PLEKHG1: variants seen among roughly 807,000 people sequenced by gnomAD.
PLEKHG1 encodes pleckstrin homology domain-containing family G member 1.
Under a neutral mutation model 100.8 loss-of-function variants are expected in PLEKHG1, and 44 were observed. The observed-to-expected ratio is 0.44, with a 90% CI of 0.34 to 0.56. PLEKHG1 has a LOEUF of 0.56. Ranked by LOEUF, PLEKHG1 falls within the 20% of genes least tolerant of loss-of-function variation. The probability of loss-of-function intolerance (pLI) is 0.01; values close to 1 mark genes in which losing one functional copy is unlikely to be tolerated. For missense variants in PLEKHG1, 1,545 were observed against 1,720.9 expected (o/e 0.90, Z 1.81); for synonymous variants, 640 against 662.5 (o/e 0.97, Z 0.52).
chr6:150,632,840 T>G (rs1351971558), intron 1 of PLEKHG1: 3 of 152,214 alleles, frequency 2.0e-5, no homozygotes, highest in Non-Finnish European at 4.4e-5. Context: ...GCTGGTTTAA[T>G]TTGCCAAAAA....
At chr6:150,684,821 G>A (rs1780063789) in intron 3 of PLEKHG1, among the ~76,000 whole-genome samples, 1 of 152,044 alleles carries the variant, frequency 6.6e-6, no homozygotes. Flanking sequence ...TGACTTCATG[G>A]GCTTGCTGTT....
intron 3 of PLEKHG1, among the ~76,000 whole-genome samples, chr6:150,778,951 G>A (rs1307090748): frequency 1.3e-5 from 2 of 152,212 alleles, no homozygotes; most frequent in Non-Finnish European, 2.9e-5. Context: ...ACAGTGTGGA[G>A]TCTGGCCCTC....
chr6:150,819,917 G>T, intron 12 of PLEKHG1, 143 bp downstream of exon 13: 1 of 626,018 alleles, frequency 1.6e-6, no homozygotes, highest in Non-Finnish European at 2.9e-6. Flanking sequence ...CTTAAGATGG[G>T]ACTCATGAGC....
chr6:150,614,235 G>A (rs1776967359), intron 1 of PLEKHG1, among the ~76,000 whole-genome samples: 1 of 152,122 alleles, frequency 6.6e-6, no homozygotes, highest in Non-Finnish European at 1.5e-5. Flanking sequence ...CTTGGCCTAG[G>A]CTATCTTTGA....
exon 15 of PLEKHG1, chr6:150,832,032 G>A: frequency 1.9e-6 from 3 of 1,614,126 alleles, no homozygotes; most frequent in Non-Finnish European, 2.5e-6. Flanking sequence ...AAGACAAAAA[G>A]CAGGGTGTTT....
intron 10 of PLEKHG1, among the ~76,000 whole-genome samples, chr6:150,810,546 G>GAAAGAAAGAAAGAAAGAAA (rs1787459618): frequency 8.8e-6 from 1 of 113,634 alleles, no homozygotes; most frequent in Non-Finnish European, 1.9e-5. Context: ...AAGGAAGAAA[G>GAAAGAAAGAAAGAAAGAAA]GAAGGAAAGA....
chr6:150,640,859 G>A (rs886694471), intron 2 of PLEKHG1, among the ~76,000 whole-genome samples: 15 of 152,124 alleles, frequency 9.9e-5, no homozygotes, highest in African/African-American at 3.4e-4. Flanking sequence ...GTCTCCTGTG[G>A]TCTAATATTG....
chr6:150,707,936 C>G (rs117432534), intron 3 of PLEKHG1, among the ~76,000 whole-genome samples: 1 of 152,160 alleles, frequency 6.6e-6, no homozygotes, highest in Non-Finnish European at 1.5e-5. Flanking sequence ...TGACCCGTCA[C>G]TGCCCTTCCA....
At chr6:150,739,061 A>G (rs1782714001) in intron 2 of PLEKHG1, among the ~76,000 whole-genome samples, 1 of 152,148 alleles carries the variant, frequency 6.6e-6, no homozygotes, top group Non-Finnish European at 1.5e-5. Context: ...ATGATCTATA[A>G]AAGAGCTTTT....
At chr6:150,794,788 G>A (rs1232598301) in intron 4 of PLEKHG1, among the ~76,000 whole-genome samples, 2 of 152,130 alleles carry the variant, frequency 1.3e-5, no homozygotes, top group Non-Finnish European at 2.9e-5. Flanking sequence ...GAGACGAGGA[G>A]TTAATGATTA....
chr6:150,818,911 C>T (rs1335404211), intron 11 of PLEKHG1, among the ~76,000 whole-genome samples: 2 of 152,180 alleles, frequency 1.3e-5, no homozygotes, highest in Non-Finnish European at 2.9e-5. Flanking sequence ...CGTTGATTCC[C>T]TTCCCTCCAG....
chr6:150,839,460 C>A (rs1381448678), intron 15 of PLEKHG1, among the ~76,000 whole-genome samples: 1 of 152,120 alleles, frequency 6.6e-6, no homozygotes, highest in Non-Finnish European at 1.5e-5. Context: ...TTTTCATTGA[C>A]CAGGCTGAAG....
intron 3 of PLEKHG1, chr6:150,663,482 A>G (rs543679412): frequency 2.0e-5 from 3 of 151,102 alleles, no homozygotes; most frequent in Admixed American, 6.6e-5. Context: ...TTTTATTTTT[A>G]TGGTTCAGTA....
chr6:150,621,608 C>CA (rs1370183539), intron 1 of PLEKHG1, among the ~76,000 whole-genome samples: 1 of 152,176 alleles, frequency 6.6e-6, no homozygotes, highest in Non-Finnish European at 1.5e-5. Flanking sequence ...CTCCTGACCT[C>CA]AAGTGATCCT....
intron 1 of PLEKHG1, among the ~76,000 whole-genome samples, chr6:150,627,833 G>T (rs1453404248): frequency 6.6e-6 from 1 of 152,176 alleles, no homozygotes; most frequent in Non-Finnish European, 1.5e-5. Context: ...ACTAGTGGAA[G>T]AGTTTATTGC....
intron 3 of PLEKHG1, among the ~76,000 whole-genome samples, chr6:150,770,890 G>A (rs1316700361): frequency 6.6e-6 from 1 of 152,148 alleles, no homozygotes; most frequent in African/African-American, 2.4e-5. Context: ...TGATGGTAGG[G>A]CATATTTATA....
chr6:150,780,048 C>T (rs1785221294), intron 3 of PLEKHG1, among the ~76,000 whole-genome samples: 1 of 151,940 alleles, frequency 6.6e-6, no homozygotes, highest in African/African-American at 2.4e-5. Flanking sequence ...AAGACCAGGA[C>T]ACAATACATC....
At chr6:150,660,670 TC>T (rs1225254693) in intron 3 of PLEKHG1, among the ~76,000 whole-genome samples, 1 of 152,228 alleles carries the variant, frequency 6.6e-6, no homozygotes, top group Non-Finnish European at 1.5e-5. Flanking sequence ...TGTTAAAAAC[TC>T]CAAACTTTAT....
At chr6:150,617,269 G>C (rs1325579556) in intron 1 of PLEKHG1, among the ~76,000 whole-genome samples, 1 of 152,150 alleles carries the variant, frequency 6.6e-6, no homozygotes, top group Non-Finnish European at 1.5e-5. Flanking sequence ...AATCACACTT[G>C]TTTTCATGGT....
Sources: gnomAD v4.1 joint callset for allele counts (sites outside exome capture counted in the v4.1 genomes callset) on GRCh38, gnomAD v4.1.1 for gene constraint, MANE v1.5 for transcripts, NCBI Gene and HGNC (gene_info 2026-07-23, HGNC 2026-07-21) for gene names.